TENM2: variants seen among roughly 807,000 people sequenced by gnomAD.
TENM2 encodes teneurin transmembrane protein 2, also known as teneurin-2.
In TENM2, 52 loss-of-function variants were observed where a neutral mutation model predicts 245.2. That is an observed-to-expected ratio of 0.21 (90% CI 0.17 to 0.27). The LOEUF (loss-of-function observed/expected upper bound fraction) is 0.27. Ranked by LOEUF, TENM2 falls within the 10% of genes least tolerant of loss-of-function variation. The pLI is 1.00. For missense variants in TENM2, 3,046 were observed against 3,666.8 expected, an observed-to-expected ratio of 0.83 and a Z score of 4.37; for synonymous variants, 1,363 against 1,438.9, an observed-to-expected ratio of 0.95 and a Z score of 1.19.
intron 2 of TENM2, among the ~76,000 whole-genome samples, chr5:167,611,832 C>T (rs1777495646): frequency 6.6e-6 from 1 of 151,962 alleles, no homozygotes; most frequent in Non-Finnish European, 1.5e-5. Flanking sequence ...GCACTAATTC[C>T]ATTCATGAGG....
intron 1 of TENM2, among the ~76,000 whole-genome samples, chr5:167,325,875 T>G (rs1436213134): frequency 6.6e-6 from 1 of 152,156 alleles, no homozygotes; most frequent in Non-Finnish European, 1.5e-5. Flanking sequence ...ACTTGTAAAT[T>G]TTTTAAAAAG....
chr5:167,851,279 G>A (rs946827105), intron 2 of TENM2, among the ~76,000 whole-genome samples: 4 of 152,128 alleles, frequency 2.6e-5, no homozygotes, highest in Non-Finnish European at 5.9e-5. Flanking sequence ...GTCCTGCAAT[G>A]GAGTTTTTTG....
chr5:167,858,849 C>T (rs867586861), intron 2 of TENM2, among the ~76,000 whole-genome samples: 49 of 141,898 alleles, frequency 3.5e-4, no homozygotes, highest in African/African-American at 1.1e-3. Flanking sequence ...AGCGGACGGG[C>T]CCCGCGGGGC....
chr5:167,640,860 C>CATATATATATATATATATATATATATAT (rs58985992), intron 2 of TENM2, among the ~76,000 whole-genome samples: 8 of 47,382 alleles, frequency 1.7e-4, no homozygotes, highest in East Asian at 4.4e-4. Flanking sequence ...TATATATATC[C>CATATATATATATATATATATATATATAT]ATATATATAT....
intron 2 of TENM2, among the ~76,000 whole-genome samples, chr5:167,851,818 C>T (rs1029809565): frequency 8.5e-5 from 13 of 152,140 alleles, no homozygotes; most frequent in Non-Finnish European, 1.6e-4. Context: ...CTTCATTTCT[C>T]CCATGTAAAA....
chr5:167,971,125 A>G (rs938850777), intron 4 of TENM2, among the ~76,000 whole-genome samples: 2 of 152,266 alleles, frequency 1.3e-5, no homozygotes, highest in Admixed American at 1.3e-4. Flanking sequence ...AGCATTCTTC[A>G]CAGAGCTTAC....
intron 2 of TENM2, among the ~76,000 whole-genome samples, chr5:167,673,533 C>T (rs554359163): frequency 6.6e-6 from 1 of 152,196 alleles, no homozygotes; most frequent in African/African-American, 2.4e-5. Flanking sequence ...AACTATATGT[C>T]AAGTACTTGA....
At chr5:167,773,187 A>C (rs1763515715) in intron 2 of TENM2, among the ~76,000 whole-genome samples, 2 of 152,224 alleles carry the variant, frequency 1.3e-5, no homozygotes, top group Admixed American at 6.5e-5. Flanking sequence ...GACAATTTTT[A>C]ACCTGCTTAA....
At chr5:167,732,806 C>A (rs1760528342) in intron 2 of TENM2, among the ~76,000 whole-genome samples, 1 of 152,130 alleles carries the variant, frequency 6.6e-6, no homozygotes, top group Non-Finnish European at 1.5e-5. Flanking sequence ...CATAGATGTG[C>A]CAAATATGAC....
chr5:167,083,138 A>G, the TENM2 span, among the ~76,000 whole-genome samples: 1 of 152,210 alleles, frequency 6.6e-6, no homozygotes, highest in East Asian at 1.9e-4. Context: ...ACTAGAAAGC[A>G]GTGCAAATGT....
chr5:167,003,523 C>T, the TENM2 span, among the ~76,000 whole-genome samples: 1 of 152,128 alleles, frequency 6.6e-6, no homozygotes, highest in Non-Finnish European at 1.5e-5. Context: ...GCTCAAATGA[C>T]CAGCTTCTGT....
chr5:167,501,654 G>A (rs1405511314), intron 2 of TENM2, among the ~76,000 whole-genome samples: 2 of 152,136 alleles, frequency 1.3e-5, no homozygotes, highest in African/African-American at 2.4e-5. Flanking sequence ...AGGAGCAATA[G>A]TAAGGACTCT....
At chr5:167,827,628 C>CCG (rs71593149) in intron 2 of TENM2, among the ~76,000 whole-genome samples, 8 of 34,244 alleles carry the variant, frequency 2.3e-4, no homozygotes, top group Admixed American at 2.2e-3. Flanking sequence ...GCTAGGTGGG[C>CCG]GGGGGGGGGG....
chr5:167,655,947 T>C (rs1754813506), intron 2 of TENM2, among the ~76,000 whole-genome samples: 2 of 152,304 alleles, frequency 1.3e-5, no homozygotes, highest in South Asian at 4.1e-4. Flanking sequence ...TTAACATCCT[T>C]CTGTCCTCTC....
chr5:168,001,527 A>C (rs567959605), intron 5 of TENM2, among the ~76,000 whole-genome samples: 7 of 152,252 alleles, frequency 4.6e-5, no homozygotes, highest in Non-Finnish European at 8.8e-5. Flanking sequence ...TAGAGAAAAG[A>C]ACTATTATAT....
the TENM2 span, among the ~76,000 whole-genome samples, chr5:167,063,728 TG>T: frequency 6.6e-6 from 1 of 152,210 alleles, no homozygotes; most frequent in Non-Finnish European, 1.5e-5. Context: ...AATGTGTAAT[TG>T]TACAGGTCTT....
chr5:167,726,815 G>A lies in TENM2; in HGVS notation c.503-149171G>A, dbSNP rs77491307. Among the ~76,000 whole-genome samples, 406 of 152,162 alleles carry A rather than the reference G, an allele frequency of 2.7e-3. 6 individuals carry two copies. The highest frequency in any genetic ancestry group is 0.02 in the Admixed American group (303 of 15,278). On this transcript the variant is annotated intron_variant, in intron 2 of 28. Coordinates refer to ENST00000518659, the Ensembl canonical transcript of TENM2. ...AACTCTGGAAATCTATGCCCAAACCGTTGCTTTCATTCCACGAGCTTGCTA... is the reference window on the plus strand; with the variant it reads ...AACTCTGGAAATCTATGCCCAAACCATTGCTTTCATTCCACGAGCTTGCTA...
chr5:167,357,173 T>C (rs1305899600), intron 1 of TENM2, among the ~76,000 whole-genome samples: 1 of 152,198 alleles, frequency 6.6e-6, no homozygotes, highest in Non-Finnish European at 1.5e-5. Context: ...TGTAACGTAA[T>C]ACTAATTGAT....
intron 1 of TENM2, among the ~76,000 whole-genome samples, chr5:167,316,416 C>T (rs891016735): frequency 2.0e-5 from 3 of 152,178 alleles, no homozygotes; most frequent in African/African-American, 7.2e-5. Flanking sequence ...GGGGCCACAA[C>T]ACTGTGTAAG....
Sources: gnomAD v4.1 joint callset for allele counts (sites outside exome capture counted in the v4.1 genomes callset) on GRCh38, gnomAD v4.1.1 for gene constraint, MANE v1.5 for transcripts, NCBI Gene and HGNC (gene_info 2026-07-23, HGNC 2026-07-21) for gene names.